Variants in ROBO2 observed in about 807,000 individuals in gnomAD.
The protein encoded by ROBO2 is roundabout homolog 2.
ROBO2 carries 53 observed loss-of-function variants against 160.8 expected under a neutral mutation model. The ratio of observed to expected loss-of-function variants is 0.33; its 90% CI spans 0.26 to 0.41. The LOEUF (loss-of-function observed/expected upper bound fraction) is 0.41. Among genes scored for constraint, ROBO2 ranks in the 10% least tolerant of loss-of-function variants. The pLI, the probability that ROBO2 is intolerant of heterozygous loss-of-function variation, is 1.00. For missense variants in ROBO2, 1,577 were observed against 1,722.4 expected, an observed-to-expected ratio of 0.92 and a Z score of 1.49; for synonymous variants, 664 against 611.7, an observed-to-expected ratio of 1.09 and a Z score of -1.26.
At chr3:76,205,624 C>T (rs1029318180) in intron 2 of ROBO2, among the ~76,000 whole-genome samples, 4 of 152,130 alleles carry the variant, frequency 2.6e-5, no homozygotes, top group East Asian at 1.9e-4. Flanking sequence ...TCACCAGAAA[C>T]GTAGTTGAAC....
intron 2 of ROBO2, among the ~76,000 whole-genome samples, chr3:76,738,652 T>C (rs2093753209): frequency 6.6e-6 from 1 of 152,156 alleles, no homozygotes; most frequent in Non-Finnish European, 1.5e-5. Context: ...AAGTCATTGA[T>C]GACTTTGATA....
chr3:77,003,073 TAC>T (rs1049935894), intron 2 of ROBO2, among the ~76,000 whole-genome samples: 2 of 152,220 alleles, frequency 1.3e-5, no homozygotes, highest in African/African-American at 4.8e-5. Context: ...TTTATCTCTA[TAC>T]AGTTTCTAAT....
At chr3:76,614,804 G>C (rs762140914) in intron 2 of ROBO2, among the ~76,000 whole-genome samples, 1 of 151,854 alleles carries the variant, frequency 6.6e-6, no homozygotes, top group Non-Finnish European at 1.5e-5. Flanking sequence ...AACTTGTCAC[G>C]GGTTATTAAC....
intron 2 of ROBO2, among the ~76,000 whole-genome samples, chr3:76,797,877 T>G (rs908935582): frequency 1.3e-5 from 2 of 151,620 alleles, no homozygotes; most frequent in African/African-American, 2.4e-5. Context: ...CATGAAGAAA[T>G]GTAAAACCAA....
At chr3:77,360,333 T>A (rs2069775367) in intron 2 of ROBO2, among the ~76,000 whole-genome samples, 1 of 150,624 alleles carries the variant, frequency 6.6e-6, no homozygotes, top group African/African-American at 2.4e-5. Context: ...AAGAAAGTTA[T>A]TGTGTATAAA....
intron 2 of ROBO2, among the ~76,000 whole-genome samples, chr3:76,822,407 T>C (rs905978884): frequency 3.9e-5 from 6 of 152,010 alleles, no homozygotes; most frequent in Non-Finnish European, 8.8e-5. Flanking sequence ...ATTTTATTAC[T>C]ATAACAATGA....
rs755688317 is a variant in ROBO2, at chr3:77,108,229, C to CAT, written c.388+9896_388+9897dup. ...GCATATATATATGTATACACATATGCATATATATGTATACACATATGCATA... is the reference window on the plus strand; with the variant it reads ...GCATATATATATGTATACACATATGCATATATATATGTATACACATATGCATA... On this transcript the variant is annotated intron_variant, in intron 2 of 25. Transcript: ENST00000461745. Among the ~76,000 whole-genome samples the CAT allele has an allele frequency of 5.3e-4, 69 of 131,322 alleles. 2 individuals carry two copies. The highest frequency in any genetic ancestry group is 1.6e-3 in the African/African-American group (55 of 34,872). The allele number at this position is 131,322 out of a possible 152,430, so 86.2% of individuals were successfully genotyped here.
chr3:75,995,986 A>G (rs2065716361), intron 2 of ROBO2, among the ~76,000 whole-genome samples: 1 of 152,108 alleles, frequency 6.6e-6, no homozygotes, highest in African/African-American at 2.4e-5. Context: ...ACTTTGTATC[A>G]TGGGAGCAAC....
At position 76,708,507 on chromosome 3, in the gene ROBO2, C is replaced by A. The variant is rs113795758; in HGVS notation, c.110-389507C>A. ...TCATCTGAATTATTTGCATAATAAACTTCAAGTAAAAACAACAACCAAAAA... is the reference window on the plus strand; with the variant it reads ...TCATCTGAATTATTTGCATAATAAAATTCAAGTAAAAACAACAACCAAAAA... On this transcript the variant is annotated intron_variant, in intron 2 of 26. Transcript: ENST00000487694. 9.7e-3 allele frequency among the ~76,000 whole-genome samples: 1,470 copies of A among 152,242 alleles called. 23 individuals carry two copies. Among genetic ancestry groups the A allele is most frequent in the African/African-American group, 0.034 (1,399 of 41,540 alleles).
At chr3:76,813,301 T>C (rs2065362437) in intron 2 of ROBO2, among the ~76,000 whole-genome samples, 1 of 152,126 alleles carries the variant, frequency 6.6e-6, no homozygotes, top group African/African-American at 2.4e-5. Flanking sequence ...ACTACACATT[T>C]ACTAATCTGT....
At chr3:77,106,473 C>G (rs2072819193) in intron 2 of ROBO2, among the ~76,000 whole-genome samples, 1 of 152,090 alleles carries the variant, frequency 6.6e-6, no homozygotes, top group Non-Finnish European at 1.5e-5. Context: ...ATGCTTTTCT[C>G]CCAGGATTTG....
intron 2 of ROBO2, among the ~76,000 whole-genome samples, chr3:77,021,884 A>C (rs2062658792): frequency 1.3e-5 from 2 of 152,184 alleles, no homozygotes; most frequent in African/African-American, 4.8e-5. Flanking sequence ...GGTCTTCACC[A>C]GATGAAGCCC....
chr3:76,085,149 A>G (rs5027355), intron 2 of ROBO2, among the ~76,000 whole-genome samples: 68,146 of 151,512 alleles, frequency 0.45, 15,591 homozygotes, highest in Middle Eastern at 0.64. Context: ...ACATACGTAT[A>G]TACATATATG....
At chr3:76,429,499 G>T (rs2076352406) in intron 2 of ROBO2, among the ~76,000 whole-genome samples, 1 of 152,064 alleles carries the variant, frequency 6.6e-6, no homozygotes, top group Non-Finnish European at 1.5e-5. Flanking sequence ...TGATTTTCTG[G>T]TTTGGTATGA....
At chr3:77,364,513 A>G (rs2070532439) in intron 2 of ROBO2, among the ~76,000 whole-genome samples, 1 of 152,160 alleles carries the variant, frequency 6.6e-6, no homozygotes. Flanking sequence ...TAACGGAAAG[A>G]GTCAGTAACA....
At chr3:76,086,819 A>G (rs1321901799) in intron 2 of ROBO2, among the ~76,000 whole-genome samples, 1 of 152,162 alleles carries the variant, frequency 6.6e-6, no homozygotes, top group Non-Finnish European at 1.5e-5. Context: ...GGAAGAACAC[A>G]TAGACAATGT....
At chr3:76,863,556 G>T (rs1449292095) in intron 2 of ROBO2, among the ~76,000 whole-genome samples, 1 of 151,860 alleles carries the variant, frequency 6.6e-6, no homozygotes, top group Non-Finnish European at 1.5e-5. Flanking sequence ...ATACATAATA[G>T]ATTCTAATGT....
At chr3:76,791,115 G>T (rs1396105279) in intron 2 of ROBO2, among the ~76,000 whole-genome samples, 1 of 151,768 alleles carries the variant, frequency 6.6e-6, no homozygotes, top group African/African-American at 2.4e-5. Flanking sequence ...TTTCGCCAGT[G>T]TGATGAAGAA....
chr3:76,684,827 ATCTT>A (rs2092649209), intron 2 of ROBO2, among the ~76,000 whole-genome samples: 1 of 152,150 alleles, frequency 6.6e-6, no homozygotes, highest in Non-Finnish European at 1.5e-5. Context: ...ACATAAAGTT[ATCTT>A]TCTTTATTCT....
Sources: allele counts gnomAD v4.1 joint callset (sites outside exome capture counted in the v4.1 genomes callset), GRCh38; gene constraint gnomAD v4.1.1; transcripts MANE v1.5; gene names NCBI Gene and HGNC (gene_info 2026-07-23, HGNC 2026-07-21).